The following CYFIP1 variants were observed in gnomAD, a reference collection of about 807,000 sequenced individuals.
CYFIP1 encodes the protein cytoplasmic FMR1 interacting protein 1.
CYFIP1 carries 58 observed loss-of-function variants against 163.5 expected under a neutral mutation model. The observed-to-expected ratio is 0.35, with a 90% confidence interval of 0.29 to 0.44. The LOEUF (loss-of-function observed/expected upper bound fraction) is 0.44, where lower values mean the gene tolerates loss of function less well. Ranked by LOEUF, CYFIP1 falls within the 20% of genes least tolerant of loss-of-function variation. The pLI, the probability that CYFIP1 is intolerant of heterozygous loss-of-function variation, is 1.00. For synonymous variants in CYFIP1, 663 were observed against 660.7 expected, an observed-to-expected ratio of 1.00 and a Z score of -0.05; for missense variants, 1,338 against 1,653.8, an observed-to-expected ratio of 0.81 and a Z score of 3.31.
chr15:22,917,543 T>A lies in CYFIP1; in HGVS notation c.1674+245A>T. The A allele has an allele frequency of 1.8e-6, 1 of 553,188 alleles. No homozygotes were observed. Among genetic ancestry groups the A allele is most frequent in the Non-Finnish European group, 3.0e-6 (1 of 330,708 alleles). The allele number at this position is 553,188 out of a possible 1,614,324, so 34.3% of individuals were successfully genotyped here. A position where few individuals can be genotyped will look rare whatever the true frequency, so the allele number is the denominator to read the frequency against. On this transcript the variant is annotated intron_variant, in intron 15 of 30. Transcript: ENST00000617928. This position sits in a 1 kb window ranked among gnomAD's most constrained non-coding sequence, Gnocchi z 4.2. ...TGTGCCCACATTTTTGGGATGGGAGTTGAAATGGAGTCAGACTCCTTTTTA... is the reference window on the plus strand; with the variant it reads ...TGTGCCCACATTTTTGGGATGGGAGATGAAATGGAGTCAGACTCCTTTTTA...
At chr15:22,915,150 AG>A (rs2060928745) in intron 16 of CYFIP1, 1 of 330,174 alleles carries the variant, frequency 3.0e-6, no homozygotes, top group Non-Finnish European at 5.4e-6. Context: ...TTTTTGAGAC[AG>A]AGTCTATCTC....
chr15:22,930,127 G>T (rs1360356725), intron 11 of CYFIP1, among the ~76,000 whole-genome samples: 1 of 151,792 alleles, frequency 6.6e-6, no homozygotes, highest in Non-Finnish European at 1.5e-5. Context: ...GGGAGGCCGA[G>T]ACGGGTGGAT....
chr15:22,881,828 C>A lies in CYFIP1; in HGVS notation c.2911+18G>T. 1 of 1,607,020 alleles carries A rather than the reference C, an allele frequency of 6.2e-7. No homozygotes were observed. On this transcript the variant is annotated intron_variant, in intron 25 of 30. Coordinates refer to ENST00000617928, the MANE Select transcript of CYFIP1 (RefSeq NM_014608.6). ...CTCTCCACAGACAGCACTGTGAGCT[C>A]CACACGCCCGCACTCACCAGGAGAG...
chr15:22,879,002 G>A (rs756074320), intron 26 of CYFIP1, among the ~76,000 whole-genome samples: 12 of 152,230 alleles, frequency 7.9e-5, no homozygotes, highest in East Asian at 1.9e-4. Context: ...TGGGCGTGGT[G>A]GTGGGCGCCT....
chr15:22,943,647 G>A (rs995434483), intron 5 of CYFIP1, among the ~76,000 whole-genome samples: 4 of 152,176 alleles, frequency 2.6e-5, no homozygotes, highest in African/African-American at 4.8e-5. Flanking sequence ...CCAATAAAAC[G>A]CCTGTAAAAT....
chr15:22,904,394 G>T (rs143251543), intron 21 of CYFIP1: 15 of 217,812 alleles, frequency 6.9e-5, no homozygotes, highest in Non-Finnish European at 1.2e-4. Context: ...TCTGGAGCTC[G>T]CCCAGGCTGC....
chr15:22,902,412 C>T lies in CYFIP1; in HGVS notation c.2588+1294G>A, dbSNP rs191557745. Among the ~76,000 whole-genome samples, 35 of 152,284 alleles carry T rather than the reference C, an allele frequency of 2.3e-4. No individual in the cohort carries two copies. In the East Asian group the frequency reaches 5.0e-3, roughly 22 times the overall value. On this transcript the variant is annotated intron_variant, in intron 22 of 30. Transcript: ENST00000617928. The stretch of plus-strand genomic sequence containing the variant: ...GACTCGGGATGGAGAGGCCGAGGGC[C>T]GCCCATGCCTCACTTTAGAGGACAA...
At chr15:22,956,959 G>A (rs192139394) in intron 1 of CYFIP1, among the ~76,000 whole-genome samples, 1 of 152,224 alleles carries the variant, frequency 6.6e-6, no homozygotes, top group Non-Finnish European at 1.5e-5. Context: ...CACAGGGACC[G>A]AACAGTCATC....
chr15:22,979,000 A>G (rs2063374962), intron 1 of CYFIP1, among the ~76,000 whole-genome samples: 1 of 152,184 alleles, frequency 6.6e-6, no homozygotes. Flanking sequence ...AAAGTTTAAA[A>G]TAAATTTAAA....
At position 22,917,831 on chromosome 15, in the gene CYFIP1, T is replaced by C; in HGVS notation, c.1631A>G (p.Asp544Gly). 1.2e-6 allele frequency: 2 copies of C among 1,613,762 alleles called. No homozygotes were observed. Among genetic ancestry groups the C allele is most frequent in the Non-Finnish European group, 1.7e-6 (2 of 1,179,902 alleles). The change falls in exon 15 of 31, where the codon GAC becomes GGC. Residue 544 changes from aspartate (D) to glycine (G), a missense_variant. By Grantham distance (94) the Asp-to-Gly change is moderately conservative. Around this residue, in one of 4 missense-constraint regions of CYFIP1, gnomAD observed 824 missense variants for 995.7 expected, o/e 0.83. Transcript: ENST00000617928. The surrounding 1 kb of genome is among the most constrained non-coding windows in gnomAD (Gnocchi z 4.2). Reference sequence around the variant, plus strand: ...CACGGCGCGGCGTGGTACTTTTATGTCGAAGCCGCTCTTGGGGTCCTTCTC... The same window carrying C: ...CACGGCGCGGCGTGGTACTTTTATGCCGAAGCCGCTCTTGGGGTCCTTCTC... ...RGEKDPKSGF[D>G]IKVPRRAVGP...
In CYFIP1 at chr15:22,932,208, G is replaced by C; in HGVS notation, c.1110+15C>G. On this transcript the variant is annotated intron_variant, in intron 11 of 30. Transcript: ENST00000617928. ...ACCCTCGGGTGCCTGTGCAGCTCCA[G>C]GTCGCGGGGCGCACCTCGCTGTTGC... 1.3e-6 allele frequency: 2 copies of C among 1,597,396 alleles called. No individual in the cohort carries two copies. The highest frequency in any genetic ancestry group is 8.5e-7 in the Non-Finnish European group (1 of 1,169,820).
chr15:22,900,445 G>A (rs946566706), intron 22 of CYFIP1, among the ~76,000 whole-genome samples: 1 of 149,870 alleles, frequency 6.7e-6, no homozygotes, highest in Non-Finnish European at 1.5e-5. Context: ...GTCGCCCAGG[G>A]TGGAGTGCAG....
chr15:22,951,924 A>G (rs185785480), intron 1 of CYFIP1, among the ~76,000 whole-genome samples: 12 of 114,414 alleles, frequency 1.0e-4, no homozygotes, highest in African/African-American at 3.9e-4. Context: ...CCCACGGAAA[A>G]ACACCAGATA....
chr15:22,875,170 G>A, intron 27 of CYFIP1, 29 bp downstream of exon 27: 1 of 1,609,950 alleles, frequency 6.2e-7, no homozygotes, highest in Non-Finnish European at 8.5e-7. Context: ...GGGCAGTCTG[G>A]ACTCCCTGGT....
At chr15:22,968,803 G>A (rs1361999944) in intron 1 of CYFIP1, among the ~76,000 whole-genome samples, 1 of 152,164 alleles carries the variant, frequency 6.6e-6, no homozygotes, top group Non-Finnish European at 1.5e-5. Flanking sequence ...GGGGCAGCTG[G>A]CCCCACTGAG....
Position 22,918,798 on chromosome 15 carries a change from G to A in CYFIP1, c.1420C>T (p.His474Tyr). ...GCATAGACGGTGTGCCGGATGGCGT[G>A]GTTGAACACGCTCTCCATCCTGCCC... ...LMGRMESVFN[H>Y]AIRHTVYAAL... Residue 474 changes from histidine (H) to tyrosine (Y), a missense_variant, in exon 14 of 31, where the codon CAC (histidine) becomes TAC (tyrosine). His to Tyr is a moderately conservative substitution (Grantham distance 83). Around this residue, in one of 4 missense-constraint regions of CYFIP1, gnomAD observed 824 missense variants for 995.7 expected, o/e 0.83. Coordinates refer to ENST00000617928, the MANE Select transcript of CYFIP1 (RefSeq NM_014608.6). The A allele has an allele frequency of 6.2e-7, 1 of 1,613,312 alleles. No individual in the cohort carries two copies. The highest frequency in any genetic ancestry group is 8.5e-7 in the Non-Finnish European group (1 of 1,179,588).
At chr15:22,980,177 A>ATG (rs1158534084) in intron 1 of CYFIP1, 110 bp downstream of exon 1, 1 of 108,558 alleles carries the variant, frequency 9.2e-6, no homozygotes. Context: ...GTTGGGGGGG[A>ATG]GGGGGGGGTC....
chr15:22,963,560 A>ATAAAACATAACAT (rs199915541), intron 1 of CYFIP1, among the ~76,000 whole-genome samples: 1 of 118,754 alleles, frequency 8.4e-6, no homozygotes, highest in Non-Finnish European at 1.9e-5. Context: ...ATAACATAAG[A>ATAAAACATAACAT]AAGAATGAAA....
At chr15:22,979,035 A>C (rs1016949369) in intron 1 of CYFIP1, among the ~76,000 whole-genome samples, 2 of 152,146 alleles carry the variant, frequency 1.3e-5, no homozygotes, top group South Asian at 4.1e-4. Flanking sequence ...TAGGGGGTAC[A>C]TTTTCTTTGA....
Sources: gnomAD v4.1 joint callset for allele counts (sites outside exome capture counted in the v4.1 genomes callset) on GRCh38, gnomAD v4.1.1 for gene constraint, gnomAD v4.1.1 regional missense constraint, Gnocchi (gnomAD v3.1) non-coding constraint, MANE v1.5 for transcripts, NCBI Gene and HGNC (gene_info 2026-07-23, HGNC 2026-07-21) for gene names.